The following RAB3C variants were observed in gnomAD, a reference collection of about 807,000 sequenced individuals.
RAB3C encodes RAB3C, member RAS oncogene family.
Under a neutral mutation model 26.4 loss-of-function variants are expected in RAB3C, and 17 were observed. The ratio of observed to expected loss-of-function variants is 0.64; its 90% confidence interval spans 0.44 to 0.97. RAB3C has a LOEUF of 0.97. Ranked by LOEUF, RAB3C falls within the 50% of genes least tolerant of loss-of-function variation. The pLI is 0.00. For missense variants in RAB3C, 242 were observed against 281.9 expected (o/e 0.86, Z 1.01); for synonymous variants, 91 against 95.9 (o/e 0.95, Z 0.30).
At chr5:58,627,378 T>C (rs1213300091) in intron 2 of RAB3C, among the ~76,000 whole-genome samples, 3 of 137,020 alleles carry the variant, frequency 2.2e-5, no homozygotes, top group Non-Finnish European at 4.7e-5. Flanking sequence ...GGCAGGAGAA[T>C]GGCGTGAACC....
chr5:58,641,518 C>T (rs1436017018), intron 2 of RAB3C, among the ~76,000 whole-genome samples: 1 of 152,200 alleles, frequency 6.6e-6, no homozygotes, highest in Non-Finnish European at 1.5e-5. Flanking sequence ...CATTTCTTCT[C>T]CATTTCTGAT....
intron 2 of RAB3C, among the ~76,000 whole-genome samples, chr5:58,647,332 G>C (rs1285377534): frequency 6.6e-6 from 1 of 152,154 alleles, no homozygotes. Context: ...GGGGAGGCAA[G>C]TTTAGACCTT....
At chr5:58,680,493 C>A (rs189487935) in intron 2 of RAB3C, among the ~76,000 whole-genome samples, 134 of 152,286 alleles carry the variant, frequency 8.8e-4, no homozygotes, top group African/African-American at 3.2e-3. Context: ...TGTATTCATT[C>A]CCTACTAGTA....
intron 2 of RAB3C, among the ~76,000 whole-genome samples, chr5:58,693,334 G>GTATATATATATATATATATATATATATA (rs1478527340): frequency 7.2e-5 from 6 of 83,830 alleles, no homozygotes; most frequent in African/African-American, 2.8e-4. Context: ...ATATATATAT[G>GTATATATATATATATATATATATATATA]TGTATATATA....
chr5:58,717,997 C>T (rs1157856810), intron 2 of RAB3C, among the ~76,000 whole-genome samples: 2 of 152,070 alleles, frequency 1.3e-5, no homozygotes, highest in Non-Finnish European at 2.9e-5. Context: ...ATTCAAAAGC[C>T]TGTTATCCTT....
rs1281794595 is a variant in RAB3C, at chr5:58,583,244, A to G, written c.24+12A>G. On this transcript the variant is annotated intron_variant, in intron 1 of 4. Coordinates refer to ENST00000282878, the MANE Select transcript of RAB3C (RefSeq NM_138453.4). ...AAGCGCCCATGCAGGTGGGTCCATA[A>G]AGAAAGAGTGGCCTCGGGAGGAATT... 6.2e-7 allele frequency: 1 copy of G among 1,614,058 alleles called. No homozygotes were observed. Among genetic ancestry groups the G allele is most frequent in the Admixed American group, 1.7e-5 (1 of 60,004 alleles).
intron 2 of RAB3C, among the ~76,000 whole-genome samples, chr5:58,703,621 T>C (rs1748891082): frequency 6.6e-6 from 1 of 152,220 alleles, no homozygotes; most frequent in Non-Finnish European, 1.5e-5. Flanking sequence ...TTTTTCAAGC[T>C]ACTAGTCCAT....
intron 3 of RAB3C, among the ~76,000 whole-genome samples, chr5:58,817,469 G>A (rs986396821): frequency 2.0e-5 from 3 of 152,152 alleles, no homozygotes; most frequent in African/African-American, 7.2e-5. Flanking sequence ...AGCATTTATA[G>A]CATGTGTAAC....
intron 2 of RAB3C, among the ~76,000 whole-genome samples, chr5:58,633,637 A>C (rs1747231622): frequency 6.6e-6 from 1 of 152,084 alleles, no homozygotes; most frequent in Non-Finnish European, 1.5e-5. Flanking sequence ...TCAGATTTTG[A>C]TTTTTCTTAA....
chr5:58,666,005 C>T (rs1454570126), intron 2 of RAB3C, among the ~76,000 whole-genome samples: 2 of 152,078 alleles, frequency 1.3e-5, no homozygotes, highest in Non-Finnish European at 2.9e-5. Flanking sequence ...TATTGAGGGA[C>T]ACAAAGAACC....
chr5:58,585,376 A>G (rs768572764), intron 1 of RAB3C, among the ~76,000 whole-genome samples: 1 of 152,038 alleles, frequency 6.6e-6, no homozygotes, highest in Admixed American at 6.6e-5. Flanking sequence ...TGACAATGCA[A>G]CAAGATAAAT....
intron 2 of RAB3C, among the ~76,000 whole-genome samples, chr5:58,708,239 C>A (rs1287330547): frequency 6.6e-6 from 1 of 152,166 alleles, no homozygotes; most frequent in African/African-American, 2.4e-5. Context: ...ATCCTCTAGC[C>A]TCGGGCTCCC....
At chr5:58,783,263 C>G (rs1360905787) in intron 3 of RAB3C, among the ~76,000 whole-genome samples, 3 of 152,068 alleles carry the variant, frequency 2.0e-5, no homozygotes, top group African/African-American at 7.2e-5. Flanking sequence ...AGATTAAAGG[C>G]TAAAAGATAT....
chr5:58,634,107 C>T (rs940811258), intron 2 of RAB3C, among the ~76,000 whole-genome samples: 3 of 150,872 alleles, frequency 2.0e-5, no homozygotes, highest in African/African-American at 7.3e-5. Flanking sequence ...CGCCACTGCA[C>T]TCCAGCTTGG....
In RAB3C at chr5:58,855,502, T is replaced by C. The variant is rs2112096139; in HGVS notation, c.*4151T>C. On this transcript the variant is annotated 3_prime_UTR_variant, in exon 5 of 5. Transcript: ENST00000282878. ...CTTAGTGTGCTGTCCGGGTGCCACA[T>C]GAGCAACTACACCCATGTGGCCTTT... The C allele has an allele frequency of 6.6e-6, 1 of 152,350 alleles. No individual in the cohort carries two copies. Among genetic ancestry groups the C allele is most frequent in the East Asian group, 1.9e-4 (1 of 5,184 alleles). 9.4% of individuals were successfully genotyped at this position (152,350 alleles called of 1,614,324 possible).
chr5:58,666,434 G>C (rs1005414086), intron 2 of RAB3C, among the ~76,000 whole-genome samples: 1 of 152,140 alleles, frequency 6.6e-6, no homozygotes, highest in African/African-American at 2.4e-5. Context: ...AAACCACTGC[G>C]GGGGACAAGG....
chr5:58,666,124 CAG>C (rs1199485937), intron 2 of RAB3C, among the ~76,000 whole-genome samples: 1 of 152,128 alleles, frequency 6.6e-6, no homozygotes, highest in East Asian at 1.9e-4. Context: ...TTCCAACACA[CAG>C]GGGTAAGAGG....
chr5:58,697,759 T>G (rs995494331), intron 2 of RAB3C, among the ~76,000 whole-genome samples: 3 of 152,178 alleles, frequency 2.0e-5, no homozygotes, highest in Non-Finnish European at 4.4e-5. Flanking sequence ...TGCTTTTTTT[T>G]GTTTTCTATT....
chr5:58,722,584 T>G (rs989358528), intron 2 of RAB3C, among the ~76,000 whole-genome samples: 3 of 151,842 alleles, frequency 2.0e-5, no homozygotes, highest in Non-Finnish European at 2.9e-5. Context: ...GGGGTTATGC[T>G]CCCCAGAAAG....
Sources: gnomAD v4.1 joint callset for allele counts (sites outside exome capture counted in the v4.1 genomes callset) on GRCh38, gnomAD v4.1.1 for gene constraint, MANE v1.5 for transcripts, NCBI Gene and HGNC (gene_info 2026-07-23, HGNC 2026-07-21) for gene names.